The following GUCY1A1 variants were observed in gnomAD, a reference collection of about 807,000 sequenced individuals.
The protein encoded by GUCY1A1 is guanylate cyclase soluble subunit alpha-1.
A neutral mutation model predicts 64.5 loss-of-function variants in GUCY1A1; 48 were observed. The ratio of observed to expected loss-of-function variants is 0.74; its 90% CI spans 0.59 to 0.95. GUCY1A1 has a LOEUF of 0.95. GUCY1A1 is among the 40% of genes least tolerant of loss of function. The pLI is 0.00. For missense variants in GUCY1A1, 804 were observed against 825.3 expected, an observed-to-expected ratio of 0.97 and a Z score of 0.32; for synonymous variants, 308 against 303.4, an observed-to-expected ratio of 1.02 and a Z score of -0.16.
intron 4 of GUCY1A1, among the ~76,000 whole-genome samples, chr4:155,706,839 T>A (rs1323940682): frequency 9.2e-5 from 14 of 152,234 alleles, no homozygotes; most frequent in Non-Finnish European, 8.8e-5. Flanking sequence ...CACTCATCAC[T>A]ATCAGAAATC....
In GUCY1A1 at chr4:155,733,321, G is replaced by A. The variant is rs1166760090; in HGVS notation, c.*3090G>A. 6.6e-6 allele frequency among the ~76,000 whole-genome samples: 1 copy of A among 151,582 alleles called. No homozygotes were observed. Among genetic ancestry groups the A allele is most frequent in the South Asian group, 2.1e-4 (1 of 4,788 alleles). ...GAGTTCATCAAGCAGAGAAGGGGAAGGACATGGTCCAGGAAAATAAATCAG... is the reference window on the plus strand; with the variant it reads ...GAGTTCATCAAGCAGAGAAGGGGAAAGACATGGTCCAGGAAAATAAATCAG... On this transcript the variant is annotated 3_prime_UTR_variant, in exon 10 of 10. Coordinates refer to ENST00000506455, the MANE Select transcript of GUCY1A1 (RefSeq NM_001130682.3).
chr4:155,731,175 A>G lies in GUCY1A1; in HGVS notation c.*944A>G, dbSNP rs937206189. The G allele has an allele frequency of 6.6e-6, 1 of 152,098 alleles. No individual in the cohort carries two copies. Among genetic ancestry groups the G allele is most frequent in the Non-Finnish European group, 1.5e-5 (1 of 67,874 alleles). 9.4% of individuals were successfully genotyped at this position (152,098 alleles called of 1,614,324 possible). A position where few individuals can be genotyped will look rare whatever the true frequency, so the allele number is the denominator to read the frequency against. ...CACACGTAAACACACGTGCAGGCAC[A>G]CTTGGAACAATATGGACCCACTTCA... On this transcript the variant is annotated 3_prime_UTR_variant, in exon 10 of 10. Coordinates refer to ENST00000506455, the MANE Select transcript of GUCY1A1 (RefSeq NM_001130682.3).
chr4:155,685,345 C>T (rs911248699), intron 2 of GUCY1A1, among the ~76,000 whole-genome samples: 1 of 152,210 alleles, frequency 6.6e-6, no homozygotes, highest in African/African-American at 2.4e-5. Context: ...ACCTCCATAG[C>T]AGTTACTCAA....
intron 2 of GUCY1A1, among the ~76,000 whole-genome samples, chr4:155,674,758 C>T (rs1221279380): frequency 2.0e-5 from 3 of 151,582 alleles, no homozygotes; most frequent in East Asian, 3.8e-4. Flanking sequence ...TCTGATGAAA[C>T]TGCCTGAGGC....
intron 2 of GUCY1A1, among the ~76,000 whole-genome samples, chr4:155,681,389 C>T (rs1219554352): frequency 2.6e-5 from 4 of 152,018 alleles, no homozygotes; most frequent in Non-Finnish European, 5.9e-5. Flanking sequence ...CCTCACAATC[C>T]TTCTTTCAAA....
intron 9 of GUCY1A1, among the ~76,000 whole-genome samples, chr4:155,728,379 G>C (rs1280505091): frequency 1.3e-5 from 2 of 151,788 alleles, no homozygotes; most frequent in African/African-American, 4.8e-5. Context: ...AAGCCAGTAT[G>C]AACCAGATCT....
rs948004213 is a variant in GUCY1A1 at position 155,734,055 on chromosome 4, T to C, written c.*3824T>C. 2.6e-5 allele frequency among the ~76,000 whole-genome samples: 4 copies of C among 151,910 alleles called. No individual in the cohort carries two copies. Among genetic ancestry groups the C allele is most frequent in the African/African-American group, 9.7e-5 (4 of 41,394 alleles). ...GCTTCAGCATTTTGACTAACATTTCTTCCAAATTTCTTCTCCCTGATATTT... is the reference window on the plus strand; with the variant it reads ...GCTTCAGCATTTTGACTAACATTTCCTCCAAATTTCTTCTCCCTGATATTT... On this transcript the variant is annotated 3_prime_UTR_variant, in exon 10 of 10. Transcript: ENST00000506455.
chr4:155,690,411 T>C (rs1729578693), intron 2 of GUCY1A1, among the ~76,000 whole-genome samples: 1 of 152,204 alleles, frequency 6.6e-6, no homozygotes, highest in African/African-American at 2.4e-5. Context: ...CCATTTTTCA[T>C]TCTACATTCC....
At chr4:155,723,017 G>A (rs921148880) in intron 9 of GUCY1A1, among the ~76,000 whole-genome samples, 3 of 152,076 alleles carry the variant, frequency 2.0e-5, no homozygotes, top group Non-Finnish European at 4.4e-5. Flanking sequence ...CCAGAGGTTA[G>A]GCTAACACAA....
Position 155,710,588 on chromosome 4 carries a change from TA to T in GUCY1A1, c.427del (p.Ile143TyrfsTer21). 1 of 1,611,830 alleles carries T rather than the reference TA, an allele frequency of 6.2e-7. No individual in the cohort carries two copies. Among genetic ancestry groups the T allele is most frequent in the Non-Finnish European group, 8.5e-7 (1 of 1,179,056 alleles). On this transcript the variant is annotated frameshift_variant, in exon 6 of 10. Coordinates refer to ENST00000506455, the MANE Select transcript of GUCY1A1 (RefSeq NM_001130682.3). LOFTEE classifies it high-confidence loss of function. Reference protein sequence around the residue: ...IKESLGEEVFKICYEEDENIL... With the variant: ...IKESLGEEVFXICYEEDENIL... ...AAGAATCTCTTGGTGAAGAGGTTTT[TA>T]AAATATGTTACGAGGAAGATGAAAA...
intron 3 of GUCY1A1, among the ~76,000 whole-genome samples, chr4:155,702,700 T>C (rs1731250297): frequency 6.6e-6 from 1 of 152,106 alleles, no homozygotes; most frequent in Non-Finnish European, 1.5e-5. Flanking sequence ...TTTTCAGCAA[T>C]TGTGTTTTCT....
chr4:155,708,610 G>C (rs1376758819), intron 5 of GUCY1A1, among the ~76,000 whole-genome samples: 1 of 151,984 alleles, frequency 6.6e-6, no homozygotes, highest in African/African-American at 2.4e-5. Context: ...TACTCAACAA[G>C]GTAAAATAAA....
intron 8 of GUCY1A1, among the ~76,000 whole-genome samples, chr4:155,717,586 TGGCTTCTAAA>T (rs1733430387): frequency 6.6e-6 from 1 of 152,160 alleles, no homozygotes; most frequent in Non-Finnish European, 1.5e-5. Flanking sequence ...CAAAGTAAAA[TGGCTTCTAAA>T]GGCAAACTTC....
At position 155,685,611 on chromosome 4, in the gene GUCY1A1, T is replaced by G. The variant is rs971554631; in HGVS notation, c.-112-11145T>G. ...GTTCTTGTTCTCCTTGTGTTTTTTT[T>G]TTTTTTTTTTTTTTTTCTCTTTGCT... On this transcript the variant is annotated intron_variant, in intron 2 of 9. Coordinates refer to ENST00000506455, the MANE Select transcript of GUCY1A1 (RefSeq NM_001130682.3). Among the ~76,000 whole-genome samples the G allele has an allele frequency of 8.2e-4, 123 of 149,596 alleles. 1 individual carries two copies. Among genetic ancestry groups the G allele is most frequent in the African/African-American group, 2.8e-3 (114 of 40,800 alleles).
intron 4 of GUCY1A1, among the ~76,000 whole-genome samples, chr4:155,705,822 C>G (rs931911358): frequency 2.6e-5 from 4 of 152,182 alleles, no homozygotes; most frequent in South Asian, 2.1e-4. Flanking sequence ...AAGAAGGGGT[C>G]ATGGACAGGT....
intron 2 of GUCY1A1, among the ~76,000 whole-genome samples, chr4:155,681,285 C>G (rs2126606916): frequency 6.6e-6 from 1 of 152,248 alleles, no homozygotes; most frequent in Middle Eastern, 3.4e-3. Flanking sequence ...GTCAAAGACC[C>G]TGTACTTTGA....
chr4:155,692,192 T>C (rs1482803799), intron 2 of GUCY1A1, among the ~76,000 whole-genome samples: 1 of 152,220 alleles, frequency 6.6e-6, no homozygotes, highest in Non-Finnish European at 1.5e-5. Flanking sequence ...ATCCAGTTTA[T>C]CATTGATGGG....
chr4:155,687,933 C>T (rs1380417182), intron 2 of GUCY1A1, among the ~76,000 whole-genome samples: 1 of 152,022 alleles, frequency 6.6e-6, no homozygotes, highest in Non-Finnish European at 1.5e-5. Context: ...TAAAAACTCA[C>T]CATTACAGGG....
chr4:155,713,306 T>C lies in GUCY1A1; in HGVS notation c.1295T>C (p.Leu432Pro). 6.2e-7 allele frequency: 1 copy of C among 1,614,120 alleles called. No homozygotes were observed. Among genetic ancestry groups the C allele is most frequent in the South Asian group, 1.1e-5 (1 of 91,082 alleles). The change falls in exon 7 of 10, where the codon CTG (leucine) becomes CCG (proline). Residue 432 changes from leucine (L) to proline (P), a missense_variant. By Grantham distance (98) the Leu-to-Pro change is moderately conservative (BLOSUM62 -3). Coordinates refer to ENST00000506455, the MANE Select transcript of GUCY1A1 (RefSeq NM_001130682.3). Reference protein sequence around the residue: ...QDGLKKRLGKLKATLEQAHQA... With the variant: ...QDGLKKRLGKPKATLEQAHQA... ...GGCCTGAAGAAGAGGCTGGGGAAGC[T>C]GAAGGCTACCCTTGAGCAAGCCCAC...
Sources: gnomAD v4.1 joint callset for allele counts (sites outside exome capture counted in the v4.1 genomes callset) on GRCh38, gnomAD v4.1.1 for gene constraint, MANE v1.5 for transcripts, NCBI Gene and HGNC (gene_info 2026-07-23, HGNC 2026-07-21) for gene names.